Variants in ICA1 observed in about 807,000 individuals in gnomAD.
ICA1 encodes islet cell autoantigen 1.
In ICA1, 40 loss-of-function variants were observed where a neutral mutation model predicts 71.0. That is an observed-to-expected ratio of 0.56 (90% CI 0.44 to 0.73). ICA1 has a LOEUF of 0.73. Among genes scored for constraint, ICA1 ranks in the 30% least tolerant of loss-of-function variants. ICA1 has a pLI of 0.00. For synonymous variants in ICA1, 207 were observed against 209.5 expected, an observed-to-expected ratio of 0.99 and a Z score of 0.10; for missense variants, 578 against 576.5, an observed-to-expected ratio of 1.00 and a Z score of -0.03.
At chr7:8,249,239 A>G (rs1476565081) in intron 1 of ICA1, among the ~76,000 whole-genome samples, 1 of 152,240 alleles carries the variant, frequency 6.6e-6, no homozygotes, top group Non-Finnish European at 1.5e-5. Flanking sequence ...CTGAGTCTCT[A>G]AGACTTAATT....
chr7:8,169,876 T>C (rs1262164049), intron 6 of ICA1, among the ~76,000 whole-genome samples: 1 of 145,974 alleles, frequency 6.9e-6, no homozygotes, highest in African/African-American at 2.6e-5. Context: ...TCTTTTATGG[T>C]TGTGTGTGTG....
intron 8 of ICA1, among the ~76,000 whole-genome samples, chr7:8,155,312 G>A (rs1261264271): frequency 6.6e-6 from 1 of 152,196 alleles, no homozygotes; most frequent in Non-Finnish European, 1.5e-5. Context: ...TTGTAAGTAT[G>A]TCCTGAACCA....
At chr7:8,122,374 A>C (rs995571455) in intron 13 of ICA1, among the ~76,000 whole-genome samples, 3 of 152,236 alleles carry the variant, frequency 2.0e-5, no homozygotes, top group African/African-American at 7.2e-5. Flanking sequence ...GCAACAACTA[A>C]GCAGGTCACA....
chr7:8,161,308 A>G (rs1176090219), intron 6 of ICA1, among the ~76,000 whole-genome samples: 1 of 152,214 alleles, frequency 6.6e-6, no homozygotes, highest in East Asian at 1.9e-4. Context: ...GGGAAAATTA[A>G]AAACATAGAA....
In ICA1 at chr7:8,113,898, G is replaced by A. The variant is rs752087841; in HGVS notation, c.*25C>T. On this transcript the variant is annotated 3_prime_UTR_variant, in exon 14 of 14. Transcript: ENST00000402384. The surrounding 1 kb of genome is among the most constrained non-coding windows in gnomAD (Gnocchi z 4.2). ...AGGGGAGCTGCTGGGGGCGGCATGT[G>A]AGTGCCCTCCCGAAGGGTACAGATT... 4.1e-5 allele frequency: 66 copies of A among 1,613,690 alleles called. No individual in the cohort carries two copies. Among genetic ancestry groups the A allele is most frequent in the Non-Finnish European group, 5.5e-5 (65 of 1,179,772 alleles).
chr7:8,191,350 T>C (rs543652862), intron 6 of ICA1, among the ~76,000 whole-genome samples: 1 of 152,374 alleles, frequency 6.6e-6, no homozygotes, highest in East Asian at 1.9e-4. Flanking sequence ...TTAGAGTTTT[T>C]GACTTTGCCA....
chr7:8,139,228 T>C (rs943485888), intron 10 of ICA1, among the ~76,000 whole-genome samples, 181 bp from the exon 11 acceptor site: 1 of 152,170 alleles, frequency 6.6e-6, no homozygotes, highest in African/African-American at 2.4e-5. Context: ...GAATGCCAAA[T>C]TAACAGCCCT....
intron 6 of ICA1, among the ~76,000 whole-genome samples, chr7:8,166,055 T>C (rs751602598): frequency 6.6e-6 from 1 of 152,204 alleles, no homozygotes; most frequent in Non-Finnish European, 1.5e-5. Context: ...AGAGCCTAAA[T>C]AGCCAACGTA....
At chr7:8,247,519 T>C (rs1254036965) in intron 1 of ICA1, among the ~76,000 whole-genome samples, 1 of 152,110 alleles carries the variant, frequency 6.6e-6, no homozygotes, top group Non-Finnish European at 1.5e-5. Flanking sequence ...GCTGGACAGC[T>C]TGGCCATAAG....
At chr7:8,143,835 G>A (rs747893802) in intron 9 of ICA1, 40 bp downstream of exon 9, 1 of 1,318,390 alleles carries the variant, frequency 7.6e-7, no homozygotes, top group African/African-American at 1.5e-5. Context: ...ACTCTCACCT[G>A]TGGGAAGAAA....
chr7:8,245,414 T>G lies in ICA1; in HGVS notation c.-79-9409A>C, dbSNP rs1481238761. On this transcript the variant is annotated intron_variant, in intron 1 of 13. Coordinates refer to ENST00000402384, the MANE Select transcript of ICA1 (RefSeq NM_001136020.3). The stretch of plus-strand genomic sequence containing the variant: ...TCACACACTGGGGCCTGTTGTGGGG[T>G]GGGGGGTGGGGGCAGGGATGGCATT... Among the ~76,000 whole-genome samples, 244 of 85,064 alleles carry G rather than the reference T, an allele frequency of 2.9e-3. 1 individual carries two copies. Among genetic ancestry groups the G allele is most frequent in the African/African-American group, 0.011 (236 of 21,344 alleles). The allele number at this position is 85,064 out of a possible 152,430, so 55.8% of individuals were successfully genotyped here.
intron 4 of ICA1, among the ~76,000 whole-genome samples, chr7:8,228,296 T>G (rs946438193): frequency 9.1e-6 from 1 of 110,166 alleles, no homozygotes; most frequent in South Asian, 2.2e-4. Flanking sequence ...ATAATCACAT[T>G]AAAAAAAAAC....
Position 8,114,017 on chromosome 7 carries a change from G to A in ICA1, c.1358C>T (p.Thr453Ile), listed in dbSNP as rs752021479. The change falls in exon 14 of 14, where the codon ACT (threonine) becomes ATT (isoleucine). Residue 453 changes from threonine to isoleucine, a missense_variant. Transcript: ENST00000402384. ...GTCAGCGAAGAGGCTGAACCAGGCA[G>A]TCAGGTCTGAGGCAGCCTTAGCAGG... ...QEPAKAASDL[T>I]AWFSLFADLD... 2 of 1,614,158 alleles carry A rather than the reference G, an allele frequency of 1.2e-6. No homozygotes were observed. Among genetic ancestry groups the A allele is most frequent in the Non-Finnish European group, 1.7e-6 (2 of 1,180,002 alleles).
At chr7:8,172,274 A>C (rs1212063068) in intron 6 of ICA1, among the ~76,000 whole-genome samples, 1 of 152,100 alleles carries the variant, frequency 6.6e-6, no homozygotes, top group Non-Finnish European at 1.5e-5. Context: ...GTTGTAGACA[A>C]CATTGGGATT....
At chr7:8,133,974 G>A (rs1329008895) in intron 12 of ICA1, among the ~76,000 whole-genome samples, 2 of 149,932 alleles carry the variant, frequency 1.3e-5, no homozygotes, top group African/African-American at 4.9e-5. Context: ...ATTAGTTACA[G>A]ACAATCTTGC....
chr7:8,200,464 A>T (rs1789235173), intron 6 of ICA1, among the ~76,000 whole-genome samples: 1 of 151,832 alleles, frequency 6.6e-6, no homozygotes, highest in African/African-American at 2.4e-5. Context: ...AGAAGTGGCC[A>T]TAAGTTGACA....
intron 6 of ICA1, among the ~76,000 whole-genome samples, chr7:8,162,253 T>C (rs1347373334): frequency 6.6e-6 from 1 of 152,220 alleles, no homozygotes; most frequent in Non-Finnish European, 1.5e-5. Flanking sequence ...GTAAGGTAAT[T>C]TTAGAAACCT....
chr7:8,203,825 G>A (rs1219163086), intron 6 of ICA1, among the ~76,000 whole-genome samples: 1 of 152,158 alleles, frequency 6.6e-6, no homozygotes, highest in African/African-American at 2.4e-5. Context: ...ATTTGCAGAG[G>A]ATCCTTTGCT....
At chr7:8,208,017 T>G (rs2128361283) in intron 6 of ICA1, among the ~76,000 whole-genome samples, 1 of 152,304 alleles carries the variant, frequency 6.6e-6, no homozygotes, top group Admixed American at 6.5e-5. Context: ...AATGCTTTGT[T>G]GAGGGTTAAC....
Sources: gnomAD v4.1 joint callset for allele counts (sites outside exome capture counted in the v4.1 genomes callset) on GRCh38, gnomAD v4.1.1 for gene constraint, Gnocchi (gnomAD v3.1) non-coding constraint, MANE v1.5 for transcripts, NCBI Gene and HGNC (gene_info 2026-07-23, HGNC 2026-07-21) for gene names.